RCAN1: variants seen among roughly 807,000 people sequenced by gnomAD.
The protein encoded by RCAN1 is calcipressin-1.
RCAN1 carries 11 observed loss-of-function variants against 22.9 expected under a neutral mutation model. That is an observed-to-expected ratio of 0.48 (90% CI 0.30 to 0.79). The LOEUF (loss-of-function observed/expected upper bound fraction) is 0.79. RCAN1 is among the 30% of genes least tolerant of loss of function. The pLI is 0.06. For synonymous variants in RCAN1, 136 were observed against 142.3 expected, an observed-to-expected ratio of 0.96 and a Z score of 0.32; for missense variants, 291 against 337.8, an observed-to-expected ratio of 0.86 and a Z score of 1.09.
chr21:34,598,026 G>A (rs1054661989), intron 1 of RCAN1, among the ~76,000 whole-genome samples: 3 of 152,198 alleles, frequency 2.0e-5, no homozygotes, highest in Admixed American at 6.5e-5. Context: ...ACCCTGTACT[G>A]AGTAGAGAAA....
At chr21:34,564,263 C>T (rs1275265258) in intron 1 of RCAN1, among the ~76,000 whole-genome samples, 2 of 152,142 alleles carry the variant, frequency 1.3e-5, no homozygotes, top group Non-Finnish European at 2.9e-5. Context: ...ATGGGGATTA[C>T]AATTCAAGAT....
At chr21:34,593,452 T>C (rs924099611) in intron 1 of RCAN1, among the ~76,000 whole-genome samples, 2 of 152,270 alleles carry the variant, frequency 1.3e-5, no homozygotes, top group African/African-American at 2.4e-5. Context: ...TTGGCTTATA[T>C]GACACAGGCA....
Position 34,614,666 on chromosome 21 carries a change from G to T in RCAN1, c.252+94C>A. 1 of 1,174,734 alleles carries T rather than the reference G, an allele frequency of 8.5e-7. No individual in the cohort carries two copies. The highest frequency in any genetic ancestry group is 1.1e-6 in the Non-Finnish European group (1 of 950,628). The allele number at this position is 1,174,734 out of a possible 1,614,324, so 72.8% of individuals were successfully genotyped here. A position where few individuals can be genotyped will look rare whatever the true frequency, so the allele number is the denominator to read the frequency against. ...GGACGTCGCTGCCTCCCCGCCCCGC[G>T]CGCGGCCGGGACTGGGCGCTGCGAC... is the stretch of plus-strand genomic sequence containing the variant. On this transcript the variant is annotated intron_variant, in intron 1 of 3. Coordinates refer to ENST00000313806, the MANE Select transcript of RCAN1 (RefSeq NM_004414.7). The surrounding 1 kb of genome is among the most constrained non-coding windows in gnomAD (Gnocchi z 6.0).
intron 1 of RCAN1, among the ~76,000 whole-genome samples, chr21:34,561,091 C>G (rs956346987): frequency 6.6e-6 from 1 of 152,176 alleles, no homozygotes; most frequent in African/African-American, 2.4e-5. Context: ...TGCACTCACT[C>G]CATCCTGCCG....
At chr21:34,541,980 C>T (rs1041997753) in intron 1 of RCAN1, among the ~76,000 whole-genome samples, 1 of 152,058 alleles carries the variant, frequency 6.6e-6, no homozygotes, top group Non-Finnish European at 1.5e-5. Context: ...GCTATTCATG[C>T]AACACATTTT....
At position 34,614,748 on chromosome 21, in the gene RCAN1, C is replaced by A. The variant is rs768992455; in HGVS notation, c.252+12G>T. On this transcript the variant is annotated intron_variant, in intron 1 of 3. Transcript: ENST00000313806. The surrounding 1 kb of genome is among the most constrained non-coding windows in gnomAD (Gnocchi z 6.0). Reference sequence around the variant, plus strand: ...CCCTCCGCCCCGACGGCCCGCCCGGCGCGGTCCTCACCCGGCACAGGCCGT... The same window carrying A: ...CCCTCCGCCCCGACGGCCCGCCCGGAGCGGTCCTCACCCGGCACAGGCCGT... 4.9e-6 allele frequency: 7 copies of A among 1,419,974 alleles called. No homozygotes were observed. The highest frequency in any genetic ancestry group is 6.5e-6 in the Non-Finnish European group (7 of 1,081,182). The allele number at this position is 1,419,974 out of a possible 1,614,324, so 88.0% of individuals were successfully genotyped here.
chr21:34,538,028 T>C (rs186117824), intron 1 of RCAN1, among the ~76,000 whole-genome samples: 20 of 152,366 alleles, frequency 1.3e-4, no homozygotes, highest in Non-Finnish European at 1.9e-4. Flanking sequence ...TTGGTTTCTT[T>C]AGCAATTATT....
intron 1 of RCAN1, among the ~76,000 whole-genome samples, chr21:34,552,748 G>A (rs1222541468): frequency 6.6e-6 from 1 of 151,668 alleles, no homozygotes; most frequent in Admixed American, 6.6e-5. Context: ...TGGATGTATC[G>A]ATAATAAAAG....
intron 1 of RCAN1, among the ~76,000 whole-genome samples, chr21:34,589,986 C>G (rs916462047): frequency 6.6e-6 from 1 of 152,164 alleles, no homozygotes; most frequent in Non-Finnish European, 1.5e-5. Flanking sequence ...CCTGGAGAAC[C>G]CTGATTGATG....
At chr21:34,570,886 T>TC (rs1214128117) in intron 1 of RCAN1, among the ~76,000 whole-genome samples, 1 of 152,152 alleles carries the variant, frequency 6.6e-6, no homozygotes, top group African/African-American at 2.4e-5. Context: ...AAAAATTCTT[T>TC]CCCCAATCAT....
chr21:34,521,154 C>T, intron 3 of RCAN1: 1 of 1,296,492 alleles, frequency 7.7e-7, no homozygotes, highest in Non-Finnish European at 9.7e-7. Flanking sequence ...AGTCCAATCA[C>T]TCATCCCTAT....
chr21:34,599,214 G>C (rs1988257230), intron 1 of RCAN1, among the ~76,000 whole-genome samples: 1 of 152,110 alleles, frequency 6.6e-6, no homozygotes, highest in Non-Finnish European at 1.5e-5. Flanking sequence ...ATTTATAATA[G>C]GGAAAAAAAC....
intron 1 of RCAN1, among the ~76,000 whole-genome samples, chr21:34,545,328 T>C (rs1768011607): frequency 6.6e-6 from 1 of 152,134 alleles, no homozygotes; most frequent in Non-Finnish European, 1.5e-5. Flanking sequence ...TGAACACCAG[T>C]GTGACAGTTT....
chr21:34,558,774 A>T (rs911866372), intron 1 of RCAN1, among the ~76,000 whole-genome samples: 8 of 152,198 alleles, frequency 5.3e-5, no homozygotes, highest in Non-Finnish European at 1.2e-4. Flanking sequence ...ACTGAGTTGC[A>T]CTGGGGAGAA....
intron 1 of RCAN1, among the ~76,000 whole-genome samples, chr21:34,549,694 G>T (rs1004300637): frequency 1.3e-5 from 2 of 152,216 alleles, no homozygotes. Context: ...CAATGATGGG[G>T]ACCAGGAGGA....
At chr21:34,564,189 G>A (rs1986920112) in intron 1 of RCAN1, among the ~76,000 whole-genome samples, 2 of 152,072 alleles carry the variant, frequency 1.3e-5, no homozygotes, top group South Asian at 2.1e-4. Context: ...AGAACAGCAT[G>A]GGGGAAACCG....
At chr21:34,537,533 T>G (rs998832160) in intron 1 of RCAN1, among the ~76,000 whole-genome samples, 8 of 152,242 alleles carry the variant, frequency 5.3e-5, no homozygotes, top group Non-Finnish European at 1.0e-4. Context: ...ATGCCCCTTG[T>G]TGGGGAACCC....
At chr21:34,521,123 G>A (rs1006453177) in intron 3 of RCAN1, 4 of 1,262,710 alleles carry the variant, frequency 3.2e-6, no homozygotes, top group Middle Eastern at 3.0e-4. Context: ...CTTAAAGGGG[G>A]CATCGATTTT....
At chr21:34,533,617 C>T (rs192904095) in intron 1 of RCAN1, among the ~76,000 whole-genome samples, 94 of 152,272 alleles carry the variant, frequency 6.2e-4, no homozygotes, top group Non-Finnish European at 1.2e-3. Context: ...GACAAAACTC[C>T]CCGCCCTCTT....
Sources: gnomAD v4.1 joint callset for allele counts (sites outside exome capture counted in the v4.1 genomes callset) on GRCh38, gnomAD v4.1.1 for gene constraint, Gnocchi (gnomAD v3.1) non-coding constraint, MANE v1.5 for transcripts, NCBI Gene and HGNC (gene_info 2026-07-23, HGNC 2026-07-21) for gene names.